Variants in ANKS1B observed in about 807,000 individuals in gnomAD.
ANKS1B encodes the protein ankyrin repeat and sterile alpha motif domain containing 1B.
A neutral mutation model predicts 148.3 loss-of-function variants in ANKS1B; 36 were observed. The observed-to-expected ratio is 0.24, with a 90% CI of 0.19 to 0.32. The LOEUF is 0.32. ANKS1B is among the 10% of genes least tolerant of loss of function. The pLI is 1.00. For synonymous variants in ANKS1B, 542 were observed against 560.8 expected, an observed-to-expected ratio of 0.97 and a Z score of 0.47; for missense variants, 1,157 against 1,542.6, an observed-to-expected ratio of 0.75 and a Z score of 4.19.
chr12:99,514,944 C>A (rs1025686554), intron 9 of ANKS1B, among the ~76,000 whole-genome samples: 1 of 151,604 alleles, frequency 6.6e-6, no homozygotes, highest in Non-Finnish European at 1.5e-5. Flanking sequence ...TCCAGTCTAG[C>A]AATATTGGGC....
At chr12:98,840,684 AG>A (rs1246286722) in intron 17 of ANKS1B, among the ~76,000 whole-genome samples, 1 of 152,164 alleles carries the variant, frequency 6.6e-6, no homozygotes, top group Non-Finnish European at 1.5e-5. Flanking sequence ...TTATTTGTAA[AG>A]CTCTCTGAAT....
At chr12:98,794,090 A>G (rs190733767) in intron 22 of ANKS1B, among the ~76,000 whole-genome samples, 58 of 152,294 alleles carry the variant, frequency 3.8e-4, no homozygotes, top group Non-Finnish European at 1.2e-4. Context: ...TGGACACATT[A>G]TTTAAAAGTG....
chr12:98,934,414 A>G (rs2099816558), intron 17 of ANKS1B, among the ~76,000 whole-genome samples: 1 of 152,042 alleles, frequency 6.6e-6, no homozygotes, highest in Admixed American at 6.6e-5. Context: ...ATATATATTG[A>G]AATAGGACGT....
intron 17 of ANKS1B, among the ~76,000 whole-genome samples, chr12:99,023,552 T>G (rs1321199642): frequency 6.6e-6 from 1 of 152,064 alleles, no homozygotes; most frequent in East Asian, 1.9e-4. Context: ...CTTTAGATAT[T>G]CTCTTTGTCT....
At chr12:98,915,504 A>G (rs765833968) in intron 17 of ANKS1B, among the ~76,000 whole-genome samples, 3 of 152,110 alleles carry the variant, frequency 2.0e-5, no homozygotes, top group Non-Finnish European at 4.4e-5. Flanking sequence ...GGCATGTATC[A>G]TCACACCCAG....
intron 9 of ANKS1B, among the ~76,000 whole-genome samples, chr12:99,646,820 CT>C (rs560052354): frequency 2.7e-4 from 40 of 148,232 alleles, no homozygotes; most frequent in Middle Eastern, 3.5e-3. Flanking sequence ...TTCTTTACAG[CT>C]TTTTTTTTTC....
chr12:99,389,779 TA>T (rs1455435469), intron 12 of ANKS1B, among the ~76,000 whole-genome samples: 3 of 152,132 alleles, frequency 2.0e-5, no homozygotes, highest in African/African-American at 2.4e-5. Context: ...ATTGAGTTAA[TA>T]AAAAATTGAT....
rs577268255 is a variant in ANKS1B, at chr12:99,375,788, T to C, written c.1756+23843A>G. The stretch of plus-strand genomic sequence containing the variant: ...ATGACTGGAGTAATGTTGCTTTCCA[T>C]ACATAACTGTTGAGGAAATGTACTA... On this transcript the variant is annotated intron_variant, in intron 12 of 26. Transcript: ENST00000683438. Among the ~76,000 whole-genome samples the C allele has an allele frequency of 9.8e-5, 15 of 152,298 alleles. 2 individuals are homozygous for C. The South Asian group carries it at 2.7e-3, about 27-fold the overall frequency.
At chr12:99,916,493 C>G (rs184735462) in intron 1 of ANKS1B, among the ~76,000 whole-genome samples, 3 of 152,244 alleles carry the variant, frequency 2.0e-5, no homozygotes, top group African/African-American at 7.2e-5. Flanking sequence ...CAACTGGTCA[C>G]GTACCTGGTC....
intron 8 of ANKS1B, among the ~76,000 whole-genome samples, chr12:99,746,477 A>C (rs143849560): frequency 6.6e-6 from 1 of 152,188 alleles, no homozygotes; most frequent in Non-Finnish European, 1.5e-5. Flanking sequence ...TTTCCCTCAA[A>C]TATTCTCATT....
At chr12:99,113,109 CA>C (rs2060645458) in intron 15 of ANKS1B, among the ~76,000 whole-genome samples, 1 of 152,174 alleles carries the variant, frequency 6.6e-6, no homozygotes, top group Non-Finnish European at 1.5e-5. Context: ...CTCTTTAATG[CA>C]GTGTTTTAGA....
chr12:98,797,207 A>C (rs1254913173), intron 22 of ANKS1B, among the ~76,000 whole-genome samples: 1 of 152,194 alleles, frequency 6.6e-6, no homozygotes, highest in African/African-American at 2.4e-5. Flanking sequence ...ACCAGGGAGA[A>C]CTCTAAAGTG....
intron 15 of ANKS1B, among the ~76,000 whole-genome samples, chr12:99,086,366 G>T (rs1394190663): frequency 6.6e-6 from 1 of 152,164 alleles, no homozygotes; most frequent in Admixed American, 6.5e-5. Context: ...ATCATGTTCT[G>T]GGATAATATG....
At chr12:98,984,916 T>C (rs913058001) in intron 17 of ANKS1B, among the ~76,000 whole-genome samples, 1 of 151,966 alleles carries the variant, frequency 6.6e-6, no homozygotes. Context: ...GAGGCTGAGG[T>C]AGAAGGATTG....
chr12:99,496,944 C>T (rs144441872), intron 10 of ANKS1B, among the ~76,000 whole-genome samples: 133 of 152,230 alleles, frequency 8.7e-4, no homozygotes, highest in Non-Finnish European at 1.8e-3. Flanking sequence ...CCCAAGCATC[C>T]TCAATTGCCT....
rs190372852 is a variant in ANKS1B, at chr12:99,464,274, C to T, written c.1439-20465G>A. Among the ~76,000 whole-genome samples the T allele has an allele frequency of 1.3e-3, 198 of 152,244 alleles. 2 individuals carry two copies. The highest frequency in any genetic ancestry group is 1.1e-3 in the Non-Finnish European group (72 of 68,004). ...AACTAACAAACAGAAAGGACATCCA[C>T]ACCAAAAACCCATCTGTACATCACC... On this transcript the variant is annotated intron_variant, in intron 10 of 26. Coordinates refer to ENST00000683438, the MANE Select transcript of ANKS1B (RefSeq NM_001352186.2).
At chr12:99,256,558 G>T (rs1362781339) in intron 12 of ANKS1B, among the ~76,000 whole-genome samples, 1 of 151,466 alleles carries the variant, frequency 6.6e-6, no homozygotes, top group Admixed American at 6.6e-5. Flanking sequence ...CTTTTATACA[G>T]GTCTCTGGTG....
At chr12:99,815,162 CTTAGAATTTCA>C (rs1395997814) in intron 2 of ANKS1B, among the ~76,000 whole-genome samples, 1 of 151,732 alleles carries the variant, frequency 6.6e-6, no homozygotes, top group African/African-American at 2.4e-5. Context: ...GCTCCAATCA[CTTAGAATTTCA>C]TTTGTTCTTT....
At chr12:99,418,388 A>G (rs1594410960) in intron 11 of ANKS1B, among the ~76,000 whole-genome samples, 1 of 152,176 alleles carries the variant, frequency 6.6e-6, no homozygotes, top group East Asian at 1.9e-4. Flanking sequence ...TGTATTTGTG[A>G]TTATAAATGA....
Sources: gnomAD v4.1 joint callset for allele counts (sites outside exome capture counted in the v4.1 genomes callset) on GRCh38, gnomAD v4.1.1 for gene constraint, MANE v1.5 for transcripts, NCBI Gene and HGNC (gene_info 2026-07-23, HGNC 2026-07-21) for gene names.